CACNA1A: variants seen among roughly 807,000 people sequenced by gnomAD.
CACNA1A encodes voltage-dependent P/Q-type calcium channel subunit alpha-1A.
A neutral mutation model predicts 262.4 loss-of-function variants in CACNA1A; 57 were observed. The ratio of observed to expected loss-of-function variants is 0.22; its 90% CI spans 0.18 to 0.27. CACNA1A has a LOEUF of 0.27. Ranked by LOEUF, CACNA1A falls within the 10% of genes least tolerant of loss-of-function variation. CACNA1A has a pLI of 1.00. For synonymous variants in CACNA1A, 1,431 were observed against 1,419.3 expected, an observed-to-expected ratio of 1.01 and a Z score of -0.18; for missense variants, 2,526 against 3,562.8, an observed-to-expected ratio of 0.71 and a Z score of 7.41.
chr19:13,402,873 C>CACACACAT (rs1201892162), intron 3 of CACNA1A, among the ~76,000 whole-genome samples: 14 of 72,808 alleles, frequency 1.9e-4, no homozygotes, highest in African/African-American at 6.2e-4. Flanking sequence ...CACACACACA[C>CACACACAT]ATATATATAT....
intron 29 of CACNA1A, among the ~76,000 whole-genome samples, 172 bp downstream of exon 29, chr19:13,254,923 G>C (rs922629621): frequency 6.6e-6 from 1 of 152,084 alleles, no homozygotes; most frequent in South Asian, 2.1e-4. Context: ...GAAGCTGGCC[G>C]GGGGAGTGGT....
chr19:13,287,194 A>C (rs984045558), intron 19 of CACNA1A, among the ~76,000 whole-genome samples: 1 of 152,022 alleles, frequency 6.6e-6, no homozygotes, highest in African/African-American at 2.4e-5. Context: ...TCTACAAAAA[A>C]TGTGTAAATT....
chr19:13,270,411 G>T (rs957519724), intron 24 of CACNA1A, among the ~76,000 whole-genome samples: 2 of 120,722 alleles, frequency 1.7e-5, no homozygotes, highest in Non-Finnish European at 3.3e-5. Flanking sequence ...CCTGGGGTGG[G>T]GGGTGGGGGG....
At chr19:13,265,077 G>A (rs1293721918) in intron 24 of CACNA1A, among the ~76,000 whole-genome samples, 2 of 152,080 alleles carry the variant, frequency 1.3e-5, no homozygotes, top group African/African-American at 4.8e-5. Flanking sequence ...GTTTCACCGT[G>A]TTGGCCAGGC....
chr19:13,248,855 AT>A (rs59977177), intron 30 of CACNA1A, among the ~76,000 whole-genome samples: 34,710 of 148,434 alleles, frequency 0.23, 4,060 homozygotes, highest in Middle Eastern at 0.33. Flanking sequence ...AAAAAAAAAA[AT>A]AATAATAAAT....
chr19:13,358,281 G>C (rs1171368190), intron 6 of CACNA1A, among the ~76,000 whole-genome samples: 1 of 151,848 alleles, frequency 6.6e-6, no homozygotes, highest in Non-Finnish European at 1.5e-5. Context: ...AAAGAATAAA[G>C]AAGGCCAGGC....
intron 3 of CACNA1A, among the ~76,000 whole-genome samples, chr19:13,445,501 A>C (rs180875390): frequency 1.3e-4 from 20 of 152,318 alleles, no homozygotes; most frequent in East Asian, 7.7e-4. Flanking sequence ...CCGGCTTAAC[A>C]ACCATTTATT....
intron 3 of CACNA1A, among the ~76,000 whole-genome samples, chr19:13,385,048 T>G (rs577276931): frequency 3.9e-5 from 6 of 152,156 alleles, no homozygotes; most frequent in African/African-American, 1.4e-4. Flanking sequence ...GCTATTTAAA[T>G]ACAGATTTAA....
In CACNA1A at chr19:13,427,161, T is replaced by TC. The variant is rs572445515; in HGVS notation, c.539+25714dup. Among the ~76,000 whole-genome samples, 44 of 151,622 alleles carry TC rather than the reference T, an allele frequency of 2.9e-4. 1 individual carries two copies. In the South Asian group the frequency reaches 5.8e-3, roughly 20 times the overall value. ...GGAAGAAATGCACCGATAAAAGTGG[T>TC]CCCCCCCAGGGCATGCGTGGTGGCT... On this transcript the variant is annotated intron_variant, in intron 3 of 46. Transcript: ENST00000360228.
In CACNA1A at chr19:13,207,097, G is replaced by C. The variant is rs1328633349; in HGVS notation, c.*216C>G. Reference sequence around the variant, plus strand: ...TGGGTGGGGGGATCGGGGCTGGTTGGGGGGCGCCGTGGCTGCCCAGGAGGG... The same window carrying C: ...TGGGTGGGGGGATCGGGGCTGGTTGCGGGGCGCCGTGGCTGCCCAGGAGGG... On this transcript the variant is annotated 3_prime_UTR_variant, in exon 47 of 47. Coordinates refer to ENST00000360228, the MANE Select transcript of CACNA1A (RefSeq NM_001127222.2). The surrounding 1 kb of genome is among the most constrained non-coding windows in gnomAD (Gnocchi z 5.7). 7.0e-6 allele frequency: 3 copies of C among 429,306 alleles called. No individual in the cohort carries two copies. Among genetic ancestry groups the C allele is most frequent in the Admixed American group, 4.6e-5 (1 of 21,616 alleles). The allele number at this position is 429,306 out of a possible 1,614,324, so 26.6% of individuals were successfully genotyped here.
chr19:13,497,055 T>C (rs1263062913), intron 1 of CACNA1A, among the ~76,000 whole-genome samples: 1 of 152,094 alleles, frequency 6.6e-6, no homozygotes, highest in African/African-American at 2.4e-5. Flanking sequence ...CCAGAATCCA[T>C]GCTCTCAACT....
At chr19:13,219,423 G>T (rs562502184) in intron 38 of CACNA1A, among the ~76,000 whole-genome samples, 1 of 152,262 alleles carries the variant, frequency 6.6e-6, no homozygotes, top group South Asian at 2.1e-4. Context: ...TTCTTCCAGG[G>T]AATCACTGAA....
intron 20 of CACNA1A, among the ~76,000 whole-genome samples, chr19:13,285,608 G>C (rs2057380780): frequency 6.6e-6 from 1 of 152,054 alleles, no homozygotes; most frequent in Non-Finnish European, 1.5e-5. Context: ...CTCACTTGCA[G>C]GCAGGTAGGG....
In CACNA1A at chr19:13,376,777, A is replaced by G. The variant is rs2059417866; in HGVS notation, c.540-4998T>C. ...ATGTTATATGTGACATATATAACACATAATATATGTGACATATATACACAT... is the reference window on the plus strand; with the variant it reads ...ATGTTATATGTGACATATATAACACGTAATATATGTGACATATATACACAT... On this transcript the variant is annotated intron_variant, in intron 3 of 46. Transcript: ENST00000360228. Among the ~76,000 whole-genome samples the G allele has an allele frequency of 4.2e-5, 5 of 118,948 alleles. 1 individual carries two copies. The highest frequency in any genetic ancestry group is 1.8e-4 in the African/African-American group (5 of 27,418). 78.0% of individuals were successfully genotyped at this position (118,948 alleles called of 152,430 possible). A position where few individuals can be genotyped will look rare whatever the true frequency, so the allele number is the denominator to read the frequency against.
chr19:13,381,241 TA>T (rs893621660), intron 3 of CACNA1A, among the ~76,000 whole-genome samples: 6 of 151,534 alleles, frequency 4.0e-5, no homozygotes, highest in African/African-American at 7.3e-5. Context: ...TAATAACAAT[TA>T]AAAAAATGGG....
At chr19:13,355,132 TCCCA>T (rs2058987020) in intron 6 of CACNA1A, among the ~76,000 whole-genome samples, 1 of 152,110 alleles carries the variant, frequency 6.6e-6, no homozygotes. Context: ...TGCCTCGGCC[TCCCA>T]AAGTGCTGGG....
At chr19:13,400,882 T>A (rs1012518075) in intron 3 of CACNA1A, among the ~76,000 whole-genome samples, 3 of 152,160 alleles carry the variant, frequency 2.0e-5, no homozygotes, top group African/African-American at 2.4e-5. Context: ...TGGAGTAAAG[T>A]GGCGTGATCT....
rs372812865 is a variant in CACNA1A at position 13,359,696 on chromosome 19, G to A, written c.888C>T (p.Asn296=). The A allele has an allele frequency of 1.1e-4, 179 of 1,600,884 alleles. No homozygotes were observed. Among genetic ancestry groups the A allele is most frequent in the African/African-American group, 6.2e-4 (46 of 74,756 alleles). The change falls in exon 6 of 47, where the codon AAC becomes AAT. Residue 296 remains asparagine, a synonymous_variant. Transcript: ENST00000360228. ...KCQPYWEGPN[N]GITQFDNILF... The stretch of plus-strand genomic sequence containing the variant: ...GGATGTTGTCGAACTGAGTGATCCC[G>A]TTGTTGGGCCCTTCCCAGTAGGGCT...
At chr19:13,247,802 G>C (rs560909051) in intron 30 of CACNA1A, among the ~76,000 whole-genome samples, 1 of 152,274 alleles carries the variant, frequency 6.6e-6, no homozygotes, top group Admixed American at 6.5e-5. Context: ...CTGGGGCCCT[G>C]CCCATAGCTC....
Sources: gnomAD v4.1 joint callset for allele counts (sites outside exome capture counted in the v4.1 genomes callset) on GRCh38, gnomAD v4.1.1 for gene constraint, Gnocchi (gnomAD v3.1) non-coding constraint, MANE v1.5 for transcripts, NCBI Gene and HGNC (gene_info 2026-07-23, HGNC 2026-07-21) for gene names.